The following PSMD12 variants were observed in gnomAD, a reference collection of about 807,000 sequenced individuals.
PSMD12 encodes the protein 26S proteasome non-ATPase regulatory subunit 12.
Under a neutral mutation model 62.9 loss-of-function variants are expected in PSMD12, and 8 were observed. The observed-to-expected ratio is 0.13, with a 90% CI of 0.07 to 0.23. The LOEUF (loss-of-function observed/expected upper bound fraction) is 0.23, where lower values mean the gene tolerates loss of function less well. Among genes scored for constraint, PSMD12 ranks in the 10% least tolerant of loss-of-function variants. The probability of loss-of-function intolerance (pLI) is 1.00; values close to 1 mark genes in which losing one functional copy is unlikely to be tolerated. For missense variants in PSMD12, 424 were observed against 550.2 expected, an observed-to-expected ratio of 0.77 and a Z score of 2.29; for synonymous variants, 173 against 187.4, an observed-to-expected ratio of 0.92 and a Z score of 0.63.
In PSMD12 at chr17:67,347,280, G is replaced by A. The variant is rs767036077; in HGVS notation, c.661-30C>T. On this transcript the variant is annotated intron_variant, in intron 6 of 10. Coordinates refer to ENST00000356126, the MANE Select transcript of PSMD12 (RefSeq NM_002816.5). ...AAAAAAGTTGACAAAACAAATTGGG[G>A]TTTATGGGTTTTATTCATACTTTTA... 4 of 1,612,216 alleles carry A rather than the reference G, an allele frequency of 2.5e-6. No homozygotes were observed. The South Asian group carries it at 4.4e-5, about 18-fold the overall frequency.
chr17:67,366,458 C>A lies in PSMD12; in HGVS notation c.62G>T (p.Ser21Ile). Residue 21 changes from serine to isoleucine, a missense_variant, in exon 1 of 11, where the codon AGC (serine) becomes ATC (isoleucine). Ser to Ile is a moderately radical substitution (Grantham distance 142, BLOSUM62 -2). Coordinates refer to ENST00000356126, the MANE Select transcript of PSMD12 (RefSeq NM_002816.5). ...GGGTAGGCGCTGATCCACCGTGGCG[C>A]TGTAGTCCACCTCCATCTTGACGAT... The part of the protein sequence containing the change: ...GRIVKMEVDY[S>I]ATVDQRLPEC... 1 of 1,612,410 alleles carries A rather than the reference C, an allele frequency of 6.2e-7. No individual in the cohort carries two copies. The highest frequency in any genetic ancestry group is 8.5e-7 in the Non-Finnish European group (1 of 1,179,464).
In PSMD12 at chr17:67,342,231, C is replaced by T. The variant is rs758980789; in HGVS notation, c.1116G>A (p.Arg372=). 6.3e-7 allele frequency: 1 copy of T among 1,588,070 alleles called. No homozygotes were observed. The highest frequency in any genetic ancestry group is 1.7e-5 in the Admixed American group (1 of 59,834). ...NIRIMAKYYT[R]ITMKRMAQLL... is the part of the protein sequence containing the mutation. ...GCTGTGCCATCCTTTTCATTGTTAT[C>T]CGAGTATAATACTTGGCCATTATTC... Residue 372 remains arginine, a synonymous_variant, in exon 10 of 11, where the codon CGG becomes CGA. Transcript: ENST00000356126.
At chr17:67,364,642 T>C (rs955323266) in intron 1 of PSMD12, among the ~76,000 whole-genome samples, 1 of 152,216 alleles carries the variant, frequency 6.6e-6, no homozygotes, top group African/African-American at 2.4e-5. Flanking sequence ...AATTCCAAAG[T>C]GGAGGTTCAG....
At chr17:67,354,787 C>T (rs1002321662) in intron 3 of PSMD12, among the ~76,000 whole-genome samples, 6 of 151,684 alleles carry the variant, frequency 4.0e-5, no homozygotes, top group South Asian at 2.1e-4. Context: ...GTCAGGAGTT[C>T]GAGACCAACC....
At chr17:67,341,146 G>T in intron 10 of PSMD12, 94 bp from the exon 11 acceptor site, 2 of 939,522 alleles carry the variant, frequency 2.1e-6, no homozygotes, top group Non-Finnish European at 3.1e-6. Flanking sequence ...CTTCATCCAA[G>T]AATATGCAGG....
At chr17:67,362,337 A>C (rs139866208) in intron 1 of PSMD12, among the ~76,000 whole-genome samples, 113 of 152,360 alleles carry the variant, frequency 7.4e-4, no homozygotes, top group African/African-American at 2.6e-3. Flanking sequence ...ATCCCGACAC[A>C]GGGTGCTTAC....
intron 1 of PSMD12, among the ~76,000 whole-genome samples, chr17:67,364,719 G>A (rs760747461): frequency 7.9e-5 from 12 of 152,150 alleles, no homozygotes; most frequent in Non-Finnish European, 1.6e-4. Context: ...ATTTTAATAT[G>A]ACAGATTAGT....
chr17:67,352,246 C>A (rs894497311), intron 3 of PSMD12, among the ~76,000 whole-genome samples: 4 of 152,084 alleles, frequency 2.6e-5, no homozygotes, highest in African/African-American at 9.7e-5. Context: ...GTATGTGCCA[C>A]CACACTCAGC....
At chr17:67,342,116 T>C (rs1180048655) in intron 10 of PSMD12, 70 bp downstream of exon 10, 7 of 1,117,538 alleles carry the variant, frequency 6.3e-6, no homozygotes, top group East Asian at 2.4e-5. Flanking sequence ...ATTGATTTTC[T>C]TACTCAATTT....
At chr17:67,344,192 T>A (rs1042036004) in intron 9 of PSMD12, among the ~76,000 whole-genome samples, 2 of 152,182 alleles carry the variant, frequency 1.3e-5, no homozygotes, top group African/African-American at 4.8e-5. Context: ...GACTAGTGAA[T>A]ATTAAGAGAG....
At chr17:67,354,440 G>A (rs1463573208) in intron 3 of PSMD12, among the ~76,000 whole-genome samples, 1 of 151,670 alleles carries the variant, frequency 6.6e-6, no homozygotes, top group African/African-American at 2.4e-5. Context: ...TAAGCGTTAA[G>A]CAACACCCCC....
chr17:67,359,156 A>C (rs1248198473), intron 1 of PSMD12, among the ~76,000 whole-genome samples: 1 of 152,064 alleles, frequency 6.6e-6, no homozygotes, highest in Non-Finnish European at 1.5e-5. Context: ...GGAATTCGAG[A>C]CCAGCATGGA....
At chr17:67,365,800 A>C (rs2042173242) in intron 1 of PSMD12, among the ~76,000 whole-genome samples, 1 of 150,764 alleles carries the variant, frequency 6.6e-6, no homozygotes, top group Non-Finnish European at 1.5e-5. Flanking sequence ...CTTCCTGTAA[A>C]ACCTTCCCTT....
At position 67,347,498 on chromosome 17, in the gene PSMD12, T is replaced by G; in HGVS notation, c.511-13A>C. 6.3e-7 allele frequency: 1 copy of G among 1,598,940 alleles called. No individual in the cohort carries two copies. On this transcript the variant is annotated splice_polypyrimidine_tract_variant and intron_variant, in intron 5 of 10. Coordinates refer to ENST00000356126, the MANE Select transcript of PSMD12 (RefSeq NM_002816.5). The stretch of plus-strand genomic sequence containing the variant: ...CGTAGGTTTCCACCTAGCACAGTAA[T>G]TCCCCAAATAAGTTTATAATACTTT...
chr17:67,346,404 G>A (rs28721879), intron 7 of PSMD12, among the ~76,000 whole-genome samples: 45 of 143,664 alleles, frequency 3.1e-4, no homozygotes, highest in Non-Finnish European at 3.2e-4. Flanking sequence ...AAAAAAAAAA[G>A]AAAAAAAAAA....
rs536912669 is a variant in PSMD12 at position 67,366,257 on chromosome 17, C to A, written c.108+155G>T. Among the ~76,000 whole-genome samples the A allele has an allele frequency of 3.3e-5, 5 of 152,336 alleles. No homozygotes were observed. In the East Asian group the frequency reaches 9.7e-4, roughly 29 times the overall value. ...GGCGTACTCCGCAGCCCTGGCCGGG[C>A]CGACCTGGGGTCTCCCACTCGTGCA... On this transcript the variant is annotated intron_variant, in intron 1 of 10. Coordinates refer to ENST00000356126, the MANE Select transcript of PSMD12 (RefSeq NM_002816.5).
intron 5 of PSMD12, 31 bp from the exon 6 acceptor site, chr17:67,347,516 A>G (rs766829341): frequency 1.3e-6 from 2 of 1,564,148 alleles, no homozygotes; most frequent in Non-Finnish European, 1.7e-6. Flanking sequence ...ATAAGTTTAT[A>G]ATACTTTGCA....
At chr17:67,348,526 C>T in intron 5 of PSMD12, 24 bp downstream of exon 5, 1 of 1,579,402 alleles carries the variant, frequency 6.3e-7, no homozygotes, top group Non-Finnish European at 8.7e-7. Context: ...AAAGTTTTAC[C>T]AACTCTAAAA....
In PSMD12 at chr17:67,350,224, T is replaced by C. The variant is rs997044077; in HGVS notation, c.405+5A>G. On this transcript the variant is annotated splice_donor_5th_base_variant and intron_variant, in intron 4 of 10. Transcript: ENST00000356126. ...CATTTTGAGTTATGTCAACAGAAAATTTACCTTGCCTTCGGTAACCATTCG... is the reference window on the plus strand; with the variant it reads ...CATTTTGAGTTATGTCAACAGAAAACTTACCTTGCCTTCGGTAACCATTCG... 4 of 1,589,254 alleles carry C rather than the reference T, an allele frequency of 2.5e-6. No homozygotes were observed.
Sources: allele counts gnomAD v4.1 joint callset (sites outside exome capture counted in the v4.1 genomes callset), GRCh38; gene constraint gnomAD v4.1.1; transcripts MANE v1.5; gene names NCBI Gene and HGNC (gene_info 2026-07-23, HGNC 2026-07-21).